Variants in BARX2 observed in about 807,000 individuals in gnomAD.
The protein encoded by BARX2 is BARX homeobox 2.
Under a neutral mutation model 25.5 loss-of-function variants are expected in BARX2, and 11 were observed. The ratio of observed to expected loss-of-function variants is 0.43; its 90% CI spans 0.27 to 0.71. The LOEUF is 0.71. Among genes scored for constraint, BARX2 ranks in the 30% least tolerant of loss-of-function variants. The pLI, the probability that BARX2 is intolerant of heterozygous loss-of-function variation, is 0.19. For synonymous variants in BARX2, 137 were observed against 149.5 expected (o/e 0.92, Z 0.61); for missense variants, 360 against 359.9 (o/e 1.00, Z 0.00).
chr11:129,451,617 T>C lies in BARX2; in HGVS notation c.*215T>C, dbSNP rs1398851269. 1.6e-6 allele frequency: 1 copy of C among 612,428 alleles called. No individual in the cohort carries two copies. Among genetic ancestry groups the C allele is most frequent in the Admixed American group, 3.1e-5 (1 of 32,560 alleles). 37.9% of individuals were successfully genotyped at this position (612,428 alleles called of 1,614,324 possible). ...GGCCTGTCACCTCCTGAAAGGCTGCTTTAGCTGTGGATGCCCTTGATTAAG... is the reference window on the plus strand; with the variant it reads ...GGCCTGTCACCTCCTGAAAGGCTGCCTTAGCTGTGGATGCCCTTGATTAAG... On this transcript the variant is annotated 3_prime_UTR_variant, in exon 4 of 4. Coordinates refer to ENST00000281437, the MANE Select transcript of BARX2 (RefSeq NM_003658.5).
At chr11:129,381,326 T>TA (rs2135382923) in intron 1 of BARX2, among the ~76,000 whole-genome samples, 1 of 152,312 alleles carries the variant, frequency 6.6e-6, no homozygotes, top group African/African-American at 2.4e-5. Context: ...TTAGGGTGTT[T>TA]AAAAAATCCC....
At chr11:129,375,329 G>C (rs1045205058), upstream of BARX2, among the ~76,000 whole-genome samples, 19 of 152,124 alleles carry the variant, frequency 1.2e-4, no homozygotes, top group African/African-American at 4.3e-4. The surrounding 1 kb of genome is among the most constrained non-coding windows in gnomAD (Gnocchi z 4.0). Flanking sequence ...GTGGGTCCTC[G>C]GGGGCACTGG....
chr11:129,391,194 C>T (rs779881545), intron 1 of BARX2, among the ~76,000 whole-genome samples: 2 of 152,110 alleles, frequency 1.3e-5, no homozygotes, highest in Admixed American at 6.5e-5. Flanking sequence ...TGGCCCACTA[C>T]GAATTGTTCT....
intron 1 of BARX2, among the ~76,000 whole-genome samples, chr11:129,424,482 G>A (rs779712205): frequency 6.6e-6 from 1 of 151,918 alleles, no homozygotes; most frequent in Non-Finnish European, 1.5e-5. Context: ...GATTTTCCTC[G>A]ACAATGCCTC....
At chr11:129,432,221 C>T (rs1862137748) in intron 1 of BARX2, among the ~76,000 whole-genome samples, 2 of 152,018 alleles carry the variant, frequency 1.3e-5, no homozygotes, top group African/African-American at 4.8e-5. Context: ...TGCCACCACA[C>T]CAGCTAATTT....
intron 1 of BARX2, among the ~76,000 whole-genome samples, chr11:129,432,707 A>C (rs770442486): frequency 6.6e-6 from 1 of 152,246 alleles, no homozygotes; most frequent in African/African-American, 2.4e-5. Flanking sequence ...CAAACTGAAC[A>C]TAAAATTAAA....
chr11:129,449,292 A>G (rs1341858005), intron 3 of BARX2, among the ~76,000 whole-genome samples: 2 of 152,300 alleles, frequency 1.3e-5, no homozygotes, highest in East Asian at 3.9e-4. Flanking sequence ...AGGAAAGAGG[A>G]ACAGTCAGTA....
chr11:129,387,080 A>G (rs1565509150), intron 1 of BARX2, among the ~76,000 whole-genome samples: 1 of 152,222 alleles, frequency 6.6e-6, no homozygotes, highest in Admixed American at 6.5e-5. Context: ...GTTACGGGAC[A>G]AAGTCCTTCT....
At chr11:129,405,900 A>G (rs1861824468) in intron 1 of BARX2, among the ~76,000 whole-genome samples, 2 of 152,164 alleles carry the variant, frequency 1.3e-5, no homozygotes, top group Non-Finnish European at 2.9e-5. Flanking sequence ...TGACCACTCC[A>G]GGCAGAAGTA....
chr11:129,428,785 ATTTG>A (rs1262166710), intron 1 of BARX2, among the ~76,000 whole-genome samples: 2 of 152,100 alleles, frequency 1.3e-5, no homozygotes, highest in East Asian at 3.9e-4. Flanking sequence ...TTGCGATTCT[ATTTG>A]TTGACAATGG....
chr11:129,384,719 C>T (rs934545000), intron 1 of BARX2, among the ~76,000 whole-genome samples: 2 of 152,220 alleles, frequency 1.3e-5, no homozygotes, highest in African/African-American at 2.4e-5. Context: ...TCTTACAGTA[C>T]TTATCCAAGG....
At chr11:129,419,995 G>A (rs1381426033) in intron 1 of BARX2, among the ~76,000 whole-genome samples, 1 of 151,998 alleles carries the variant, frequency 6.6e-6, no homozygotes, top group Non-Finnish European at 1.5e-5. Context: ...TGGCCAGGTT[G>A]TTCTCTAACT....
intron 1 of BARX2, among the ~76,000 whole-genome samples, chr11:129,406,540 T>C (rs1345324646): frequency 1.3e-5 from 2 of 152,196 alleles, no homozygotes; most frequent in Non-Finnish European, 2.9e-5. Context: ...AACAGTTGTA[T>C]TGCAGTAACA....
chr11:129,443,439 C>T (rs571766984), intron 3 of BARX2, among the ~76,000 whole-genome samples: 17 of 152,150 alleles, frequency 1.1e-4, no homozygotes, highest in African/African-American at 3.6e-4. Flanking sequence ...TTTGGCTGTG[C>T]GTCCTCTAAC....
At position 129,436,818 on chromosome 11, in the gene BARX2, C is replaced by T; in HGVS notation, c.255C>T (p.His85=). 1 of 1,613,784 alleles carries T rather than the reference C, an allele frequency of 6.2e-7. No homozygotes were observed. The highest frequency in any genetic ancestry group is 8.5e-7 in the Non-Finnish European group (1 of 1,179,874). ...VITRQPTVIS[H]LVPATPGIAQ... is the part of the protein sequence containing the mutation. ...CCCGCCAGCCCACTGTCATCTCCCACCTGGTCCCTGCCACCCCGGGAATCG... is the reference window on the plus strand; with the variant it reads ...CCCGCCAGCCCACTGTCATCTCCCATCTGGTCCCTGCCACCCCGGGAATCG... Residue 85 remains histidine (H), a synonymous_variant, in exon 2 of 4, where the codon CAC becomes CAT. Coordinates refer to ENST00000281437, the MANE Select transcript of BARX2 (RefSeq NM_003658.5). This position sits in a 1 kb window ranked among gnomAD's most constrained non-coding sequence, Gnocchi z 4.5.
At chr11:129,412,318 T>A in intron 1 of BARX2, among the ~76,000 whole-genome samples, 1 of 150,286 alleles carries the variant, frequency 6.7e-6, no homozygotes, top group African/African-American at 2.4e-5. Flanking sequence ...AAAATATAGG[T>A]AGATGATTTT....
At position 129,376,358 on chromosome 11, in the gene BARX2, G is replaced by A; in HGVS notation, c.187+136G>A. 1.1e-6 allele frequency: 1 copy of A among 909,428 alleles called. No homozygotes were observed. Among genetic ancestry groups the A allele is most frequent in the East Asian group, 2.8e-5 (1 of 35,100 alleles). 56.3% of individuals were successfully genotyped at this position (909,428 alleles called of 1,614,324 possible). A position where few individuals can be genotyped will look rare whatever the true frequency, so the allele number is the denominator to read the frequency against. On this transcript the variant is annotated intron_variant, in intron 1 of 3. Coordinates refer to ENST00000281437, the MANE Select transcript of BARX2 (RefSeq NM_003658.5). This position sits in a 1 kb window ranked among gnomAD's most constrained non-coding sequence, Gnocchi z 4.2. ...TTTCCTGCGCCTCAGCAAGCGGTGG[G>A]CATTGCAAAGGCATCTGCGACGTGG...
At chr11:129,446,712 C>T (rs1862334091) in intron 3 of BARX2, among the ~76,000 whole-genome samples, 1 of 152,192 alleles carries the variant, frequency 6.6e-6, no homozygotes, top group Non-Finnish European at 1.5e-5. Flanking sequence ...CCCTGCTCCC[C>T]AGTCATCTCC....
At chr11:129,378,843 T>TAA (rs36045160) in intron 1 of BARX2, among the ~76,000 whole-genome samples, 76 of 140,420 alleles carry the variant, frequency 5.4e-4, no homozygotes, top group East Asian at 3.7e-3. Flanking sequence ...ACTACAGCAT[T>TAA]AAAAAAAAAA....
Sources: gnomAD v4.1 joint callset for allele counts (sites outside exome capture counted in the v4.1 genomes callset) on GRCh38, gnomAD v4.1.1 for gene constraint, Gnocchi (gnomAD v3.1) non-coding constraint, MANE v1.5 for transcripts, NCBI Gene and HGNC (gene_info 2026-07-23, HGNC 2026-07-21) for gene names.